LRFN5: variants seen among roughly 807,000 people sequenced by gnomAD.
LRFN5 encodes the protein leucine-rich repeat and fibronectin type-III domain-containing protein 5.
Under a neutral mutation model 45.6 loss-of-function variants are expected in LRFN5, and 24 were observed. That is an observed-to-expected ratio of 0.53 (90% CI 0.38 to 0.74). The LOEUF (loss-of-function observed/expected upper bound fraction) is 0.74, where lower values mean the gene tolerates loss of function less well. Among genes scored for constraint, LRFN5 ranks in the 30% least tolerant of loss-of-function variants. LRFN5 has a pLI of 0.00. For synonymous variants in LRFN5, 340 were observed against 313.8 expected (o/e 1.08, Z -0.88); for missense variants, 776 against 861.5 (o/e 0.90, Z 1.24).
At position 41,779,029 on chromosome 14, in the gene LRFN5, A is replaced by G. The variant is rs150487425; in HGVS notation, c.-21+12000A>G. Among the ~76,000 whole-genome samples the G allele has an allele frequency of 2.0e-4, 30 of 151,860 alleles. No homozygotes were observed. The East Asian group carries it at 5.8e-3, about 29-fold the overall frequency. On this transcript the variant is annotated intron_variant, in intron 2 of 5. Coordinates refer to ENST00000298119, the MANE Select transcript of LRFN5 (RefSeq NM_152447.5). The stretch of plus-strand genomic sequence containing the variant: ...TCTTATTATACTAGTTCAGACTGCC[A>G]TTATACTGTTAATAGGAATGCTGAG...
intron 2 of LRFN5, among the ~76,000 whole-genome samples, chr14:41,884,861 T>C (rs1449341639): frequency 6.6e-6 from 1 of 152,106 alleles, no homozygotes; most frequent in Non-Finnish European, 1.5e-5. Context: ...TCTGGGGTCA[T>C]TCTAAATATA....
At chr14:41,868,203 T>G (rs182589076) in intron 2 of LRFN5, among the ~76,000 whole-genome samples, 10 of 152,220 alleles carry the variant, frequency 6.6e-5, no homozygotes, top group Non-Finnish European at 1.0e-4. Flanking sequence ...TCATAAAAAT[T>G]AACTTTTCTT....
chr14:41,704,500 A>G (rs945885427), intron 1 of LRFN5, among the ~76,000 whole-genome samples: 1 of 145,478 alleles, frequency 6.9e-6, no homozygotes, highest in Admixed American at 7.0e-5. Context: ...CCCAGGCTGC[A>G]GTGCATTGGC....
chr14:41,800,808 A>G (rs1249503044), intron 2 of LRFN5, among the ~76,000 whole-genome samples: 2 of 151,940 alleles, frequency 1.3e-5, no homozygotes, highest in African/African-American at 4.8e-5. Flanking sequence ...CAAGGAAAAT[A>G]TAAACATCAC....
At chr14:41,875,065 G>A (rs991593270) in intron 2 of LRFN5, among the ~76,000 whole-genome samples, 6 of 152,098 alleles carry the variant, frequency 3.9e-5, no homozygotes, top group African/African-American at 1.5e-4. Flanking sequence ...AGATTTGGGT[G>A]GGGAGAAAGT....
At chr14:41,787,538 T>G (rs1594709161) in intron 2 of LRFN5, among the ~76,000 whole-genome samples, 1 of 150,930 alleles carries the variant, frequency 6.6e-6, no homozygotes, top group African/African-American at 2.4e-5. Context: ...GCTTAAAAAA[T>G]GGAAAAAAAT....
intron 1 of LRFN5, among the ~76,000 whole-genome samples, chr14:41,630,395 G>T (rs148731050): frequency 6.6e-6 from 1 of 152,120 alleles, no homozygotes; most frequent in East Asian, 1.9e-4. Flanking sequence ...AAGTATAATG[G>T]GAATTGCTGA....
chr14:41,641,068 A>G (rs1879552193), intron 1 of LRFN5, among the ~76,000 whole-genome samples: 1 of 152,142 alleles, frequency 6.6e-6, no homozygotes, highest in Non-Finnish European at 1.5e-5. Flanking sequence ...AGAATAAAAA[A>G]AAATTCACAC....
chr14:41,743,168 T>C (rs1236533464), intron 1 of LRFN5, among the ~76,000 whole-genome samples: 2 of 152,212 alleles, frequency 1.3e-5, no homozygotes, highest in Non-Finnish European at 2.9e-5. Context: ...GAGGAAATTT[T>C]GATTTCATTG....
chr14:41,691,018 C>T (rs1312218063), intron 1 of LRFN5, among the ~76,000 whole-genome samples: 1 of 151,788 alleles, frequency 6.6e-6, no homozygotes, highest in Admixed American at 6.6e-5. Context: ...TTTTATTCTT[C>T]CTATGTTTTA....
At chr14:41,838,399 G>C (rs1184831880) in intron 2 of LRFN5, among the ~76,000 whole-genome samples, 1 of 152,154 alleles carries the variant, frequency 6.6e-6, no homozygotes, top group Admixed American at 6.6e-5. Flanking sequence ...TGGAAGAGAG[G>C]TTCTATGCTT....
rs78029381 is a variant in LRFN5, at chr14:41,785,744, C to T, written c.-21+18715C>T. Among the ~76,000 whole-genome samples, 1,045 of 152,168 alleles carry T rather than the reference C, an allele frequency of 6.9e-3. 12 individuals are homozygous for T. Among genetic ancestry groups the T allele is most frequent in the African/African-American group, 0.024 (994 of 41,524 alleles). On this transcript the variant is annotated intron_variant, in intron 2 of 5. Coordinates refer to ENST00000298119, the MANE Select transcript of LRFN5 (RefSeq NM_152447.5). ...GCTGTTTTCCTGCAACTGGACAGTC[C>T]GCTCTGGGAGTGATGGGAGACAGTG...
At chr14:41,709,970 A>C (rs1273433225) in intron 1 of LRFN5, among the ~76,000 whole-genome samples, 1 of 152,092 alleles carries the variant, frequency 6.6e-6, no homozygotes, top group Non-Finnish European at 1.5e-5. Flanking sequence ...TAATATTGAA[A>C]TCCAGGGCCT....
intron 2 of LRFN5, among the ~76,000 whole-genome samples, chr14:41,884,158 G>T (rs1241211229): frequency 6.6e-6 from 1 of 152,098 alleles, no homozygotes. Context: ...ACTTTGCCTT[G>T]TTTCCCCTTC....
intron 1 of LRFN5, among the ~76,000 whole-genome samples, chr14:41,758,362 A>T (rs565136701): frequency 1.3e-5 from 2 of 152,346 alleles, no homozygotes; most frequent in South Asian, 4.1e-4. Flanking sequence ...AGAGACAATT[A>T]ATCCCTTATG....
chr14:41,872,481 A>G (rs1245305071), intron 2 of LRFN5, among the ~76,000 whole-genome samples: 3 of 152,224 alleles, frequency 2.0e-5, no homozygotes, highest in East Asian at 1.9e-4. Context: ...TCAAAATAGT[A>G]GTAGTTTAAA....
At chr14:41,832,977 T>C (rs553755244) in intron 2 of LRFN5, among the ~76,000 whole-genome samples, 3 of 152,254 alleles carry the variant, frequency 2.0e-5, no homozygotes, top group South Asian at 4.1e-4. Flanking sequence ...ACATGCGGCC[T>C]TTTCTGTTTT....
chr14:41,670,302 TATACAC>T (rs1881140392), intron 1 of LRFN5, among the ~76,000 whole-genome samples: 2 of 18,310 alleles, frequency 1.1e-4, no homozygotes, highest in East Asian at 0.013. Context: ...TATATATATA[TATACAC>T]ACACACAGAA....
intron 2 of LRFN5, among the ~76,000 whole-genome samples, chr14:41,842,883 C>T (rs115489936): frequency 0.016 from 2,427 of 152,014 alleles, 58 homozygotes; most frequent in African/African-American, 0.054. Context: ...TTATGCTGAA[C>T]GCCTATTTGC....
Sources: gnomAD v4.1 joint callset for allele counts (sites outside exome capture counted in the v4.1 genomes callset) on GRCh38, gnomAD v4.1.1 for gene constraint, MANE v1.5 for transcripts, NCBI Gene and HGNC (gene_info 2026-07-23, HGNC 2026-07-21) for gene names.